SLC24A2: variants seen among roughly 807,000 people sequenced by gnomAD.
The protein encoded by SLC24A2 is solute carrier family 24 member 2.
In SLC24A2, 36 loss-of-function variants were observed where a neutral mutation model predicts 62.0. That is an observed-to-expected ratio of 0.58 (90% CI 0.44 to 0.77). SLC24A2 has a LOEUF of 0.77. SLC24A2 is among the 30% of genes least tolerant of loss of function. The pLI is 0.00. For synonymous variants in SLC24A2, 358 were observed against 294.0 expected (o/e 1.22, Z -2.23); for missense variants, 846 against 817.9 (o/e 1.03, Z -0.42).
the SLC24A2 span, among the ~76,000 whole-genome samples, chr9:20,002,654 A>G: frequency 2.6e-5 from 4 of 152,224 alleles, no homozygotes; most frequent in Admixed American, 6.5e-5. Flanking sequence ...CAGATGGGAC[A>G]GGTAAATGAT....
At chr9:19,959,719 T>A in the SLC24A2 span, among the ~76,000 whole-genome samples, 2 of 152,186 alleles carry the variant, frequency 1.3e-5, no homozygotes, top group Admixed American at 6.5e-5. Context: ...CACAAGACTC[T>A]TATTTAAGAT....
chr9:19,536,268 G>A (rs1833973139), intron 8 of SLC24A2, among the ~76,000 whole-genome samples: 1 of 148,282 alleles, frequency 6.7e-6, no homozygotes, highest in Admixed American at 6.8e-5. Flanking sequence ...AGTTACATAT[G>A]TATACATGTG....
the SLC24A2 span, among the ~76,000 whole-genome samples, chr9:20,108,137 A>G: frequency 6.6e-6 from 1 of 152,224 alleles, no homozygotes. Flanking sequence ...TGCAAATCAA[A>G]CCACAATGAG....
the SLC24A2 span, among the ~76,000 whole-genome samples, chr9:20,212,773 G>A: frequency 6.6e-6 from 1 of 150,962 alleles, no homozygotes; most frequent in Non-Finnish European, 1.5e-5. Flanking sequence ...AACAAAACAA[G>A]TATGTATATA....
intron 2 of SLC24A2, among the ~76,000 whole-genome samples, chr9:19,650,031 T>C (rs1818754263): frequency 6.6e-6 from 1 of 152,168 alleles, no homozygotes; most frequent in Non-Finnish European, 1.5e-5. Flanking sequence ...TGACATAACA[T>C]ACACAGCAAA....
At chr9:19,610,578 T>C (rs1479453821) in intron 4 of SLC24A2, among the ~76,000 whole-genome samples, 1 of 152,154 alleles carries the variant, frequency 6.6e-6, no homozygotes, top group East Asian at 1.9e-4. Flanking sequence ...CAGCAAACAT[T>C]TCCCATTGCA....
chr9:19,965,047 A>G, the SLC24A2 span, among the ~76,000 whole-genome samples: 1 of 152,046 alleles, frequency 6.6e-6, no homozygotes, highest in African/African-American at 2.4e-5. Flanking sequence ...AGCTCCCACG[A>G]TCGTGTAGAT....
At chr9:20,047,225 G>C in the SLC24A2 span, among the ~76,000 whole-genome samples, 1 of 152,116 alleles carries the variant, frequency 6.6e-6, no homozygotes, top group Admixed American at 6.5e-5. Flanking sequence ...TTGGAGTCAA[G>C]TTGCCTGGAC....
At chr9:20,002,944 G>A in the SLC24A2 span, among the ~76,000 whole-genome samples, 6 of 152,132 alleles carry the variant, frequency 3.9e-5, no homozygotes, top group East Asian at 1.9e-4. Flanking sequence ...AAATGGCCCC[G>A]TGTTTAGATG....
intron 9 of SLC24A2, among the ~76,000 whole-genome samples, chr9:19,527,578 CAT>C (rs1833497050): frequency 6.6e-6 from 1 of 152,106 alleles, no homozygotes; most frequent in Non-Finnish European, 1.5e-5. Flanking sequence ...CATTGTGACT[CAT>C]ATTGAGTTAA....
intron 7 of SLC24A2, among the ~76,000 whole-genome samples, chr9:19,556,844 C>T (rs978922491): frequency 1.4e-4 from 22 of 152,340 alleles, no homozygotes; most frequent in Middle Eastern, 3.4e-3. Flanking sequence ...AGGCAGAGCT[C>T]ATTTGTCTCC....
chr9:20,281,414 C>A, the SLC24A2 span, among the ~76,000 whole-genome samples: 1 of 152,098 alleles, frequency 6.6e-6, no homozygotes, highest in African/African-American at 2.4e-5. Context: ...AATCATGTAA[C>A]CAGCACCCAG....
At chr9:20,080,155 G>A in the SLC24A2 span, among the ~76,000 whole-genome samples, 4 of 152,138 alleles carry the variant, frequency 2.6e-5, no homozygotes, top group Non-Finnish European at 4.4e-5. Context: ...CCAAAAATAA[G>A]CCTGCATTGC....
chr9:20,097,897 C>T, the SLC24A2 span, among the ~76,000 whole-genome samples: 5,789 of 151,516 alleles, frequency 0.038, 135 homozygotes, highest in South Asian at 0.1. Flanking sequence ...CGCTCGACAC[C>T]ACGCCGGGCT....
chr9:20,268,748 G>C, the SLC24A2 span, among the ~76,000 whole-genome samples: 1 of 152,270 alleles, frequency 6.6e-6, no homozygotes, highest in East Asian at 1.9e-4. Flanking sequence ...CTCATGTAAA[G>C]GATTCAGGCA....
At chr9:19,895,814 A>T in the SLC24A2 span, 1 of 1,599,832 alleles carries the variant, frequency 6.3e-7, no homozygotes, top group East Asian at 2.3e-5. Flanking sequence ...CTTGGGTTGC[A>T]GCTGGTGTGG....
intron 7 of SLC24A2, among the ~76,000 whole-genome samples, chr9:19,563,700 T>TA (rs1491271827): frequency 1.5e-5 from 2 of 134,504 alleles, no homozygotes; most frequent in Non-Finnish European, 3.0e-5. Context: ...CTCCCTCCCT[T>TA]ACTTCCTTTT....
chr9:20,225,863 T>C, the SLC24A2 span, among the ~76,000 whole-genome samples: 2 of 151,896 alleles, frequency 1.3e-5, no homozygotes, highest in African/African-American at 4.8e-5. Flanking sequence ...CCAGCATTTG[T>C]TCCTCTTGTT....
intron 5 of SLC24A2, among the ~76,000 whole-genome samples, chr9:19,588,824 G>A (rs1438091249): frequency 1.3e-5 from 2 of 152,176 alleles, no homozygotes; most frequent in Non-Finnish European, 2.9e-5. Flanking sequence ...AGCCAAGCAT[G>A]GTGGCGCCTG....
Sources: allele counts gnomAD v4.1 joint callset (sites outside exome capture counted in the v4.1 genomes callset), GRCh38; gene constraint gnomAD v4.1.1; transcripts MANE v1.5; gene names NCBI Gene and HGNC (gene_info 2026-07-23, HGNC 2026-07-21).